The following DROSHA variants were observed in gnomAD, a reference collection of about 807,000 sequenced individuals.
The protein encoded by DROSHA is ribonuclease 3.
Under a neutral mutation model 181.9 loss-of-function variants are expected in DROSHA, and 56 were observed. The ratio of observed to expected loss-of-function variants is 0.31; its 90% CI spans 0.25 to 0.38. The LOEUF is 0.38. DROSHA is among the 10% of genes least tolerant of loss of function. The pLI, the probability that DROSHA is intolerant of heterozygous loss-of-function variation, is 1.00. For synonymous variants in DROSHA, 524 were observed against 591.2 expected (o/e 0.89, Z 1.65); for missense variants, 1,218 against 1,743.5 (o/e 0.70, Z 5.37).
chr5:31,449,847 C>A (rs1316213171), intron 21 of DROSHA, among the ~76,000 whole-genome samples: 1 of 152,136 alleles, frequency 6.6e-6, no homozygotes, highest in Admixed American at 6.5e-5. Context: ...TCCATCTTAT[C>A]TCCCCAAGTA....
chr5:31,510,627 A>T (rs528583689), intron 9 of DROSHA, among the ~76,000 whole-genome samples: 2 of 152,370 alleles, frequency 1.3e-5, no homozygotes, highest in South Asian at 4.1e-4. Context: ...AAGTGGAGAG[A>T]AACCTTCAAA....
At chr5:31,469,773 A>G (rs1749526717) in intron 17 of DROSHA, among the ~76,000 whole-genome samples, 1 of 152,190 alleles carries the variant, frequency 6.6e-6, no homozygotes, top group South Asian at 2.1e-4. Flanking sequence ...CTTTGGCTAC[A>G]CCCTATAACA....
intron 28 of DROSHA, among the ~76,000 whole-genome samples, chr5:31,423,537 A>G (rs1031248210): frequency 6.6e-6 from 1 of 152,238 alleles, no homozygotes; most frequent in African/African-American, 2.4e-5. Context: ...ATTGGAGATT[A>G]TTATACCACT....
chr5:31,439,593 C>T (rs925482027), intron 23 of DROSHA, among the ~76,000 whole-genome samples: 1 of 152,102 alleles, frequency 6.6e-6, no homozygotes, highest in African/African-American at 2.4e-5. Context: ...ATTATTGTTG[C>T]TGTTAATCTC....
chr5:31,401,815 C>T (rs1740033910), intron 35 of DROSHA, among the ~76,000 whole-genome samples: 3 of 152,026 alleles, frequency 2.0e-5, no homozygotes, highest in Admixed American at 1.3e-4. Flanking sequence ...GTATAGCAGG[C>T]ACCGAACATA....
chr5:31,515,269 T>C (rs772793830), intron 7 of DROSHA, 50 bp from the exon 8 acceptor site: 2 of 1,541,658 alleles, frequency 1.3e-6, no homozygotes, highest in African/African-American at 1.4e-5. Flanking sequence ...TCTTCCACTG[T>C]AAAAACTATT....
At position 31,401,506 on chromosome 5, in the gene DROSHA, C is replaced by G; in HGVS notation, c.4051G>C (p.Glu1351Gln). ...KRFIERKYRQ[E>Q]LKEMRWEREH... ...CTTTCCCACCTCATTTCTTTTAACTCTTGTCTGTACTTCCGTTCGATGAAC... is the reference window on the plus strand; with the variant it reads ...CTTTCCCACCTCATTTCTTTTAACTGTTGTCTGTACTTCCGTTCGATGAAC... Residue 1351 changes from glutamate to glutamine, a missense_variant, in exon 36 of 36, where the codon GAG becomes CAG. Around this residue, in one of 8 missense-constraint regions of DROSHA, gnomAD observed 32 missense variants for 29.2 expected, o/e 1.09. Transcript: ENST00000344624. 1 of 1,612,170 alleles carries G rather than the reference C, an allele frequency of 6.2e-7. No homozygotes were observed. The highest frequency in any genetic ancestry group is 1.3e-5 in the African/African-American group (1 of 74,964).
chr5:31,425,293 T>C (rs983971891), intron 27 of DROSHA, among the ~76,000 whole-genome samples: 3 of 152,192 alleles, frequency 2.0e-5, no homozygotes, highest in African/African-American at 4.8e-5. Context: ...ATACCTAATA[T>C]TTCTTGCACA....
rs60001713 is a variant in DROSHA at position 31,446,446 on chromosome 5, C to CAAAAAAAAAAAAA, written c.2882+2088_2882+2100dup. The stretch of plus-strand genomic sequence containing the variant: ...TGGGCGACAGAGCGAGACTCTGTCT[C>CAAAAAAAAAAAAA]AAAAAAAAAAAAAAAAAAAAGATTC... On this transcript the variant is annotated intron_variant, in intron 23 of 35. Transcript: ENST00000344624. 2.0e-3 allele frequency among the ~76,000 whole-genome samples: 121 copies of CAAAAAAAAAAAAA among 59,334 alleles called. 4 individuals carry two copies. The highest frequency in any genetic ancestry group is 5.8e-3 in the African/African-American group (106 of 18,258). The allele number at this position is 59,334 out of a possible 152,430, so 38.9% of individuals were successfully genotyped here.
At chr5:31,437,175 A>G (rs1046082177) in intron 24 of DROSHA, 64 bp downstream of exon 24, 6 of 1,482,888 alleles carry the variant, frequency 4.0e-6, no homozygotes, top group South Asian at 2.5e-5. Context: ...AAGCAATGTA[A>G]TAAGTATGTT....
intron 3 of DROSHA, among the ~76,000 whole-genome samples, chr5:31,529,545 C>A (rs892598519): frequency 2.0e-5 from 3 of 151,996 alleles, no homozygotes; most frequent in Admixed American, 6.6e-5. Flanking sequence ...ACCATCCTGG[C>A]TAACACAGTG....
At chr5:31,519,432 T>C (rs1739627614) in intron 6 of DROSHA, among the ~76,000 whole-genome samples, 1 of 152,186 alleles carries the variant, frequency 6.6e-6, no homozygotes, top group African/African-American at 2.4e-5. Context: ...CAAACGCACT[T>C]ACAGCACTTA....
intron 31 of DROSHA, 124 bp downstream of exon 31, chr5:31,410,622 A>G (rs1453848596): frequency 7.2e-7 from 1 of 1,392,272 alleles, no homozygotes; most frequent in Admixed American, 2.5e-5. Flanking sequence ...AAAGCATAAA[A>G]AATTAAAATA....
chr5:31,443,531 AT>A (rs1745902385), intron 23 of DROSHA, among the ~76,000 whole-genome samples: 1 of 152,170 alleles, frequency 6.6e-6, no homozygotes, highest in Non-Finnish European at 1.5e-5. Context: ...CACAATTTGC[AT>A]GAATGAATTA....
chr5:31,460,753 C>G (rs1748310373), intron 20 of DROSHA, among the ~76,000 whole-genome samples: 1 of 152,078 alleles, frequency 6.6e-6, no homozygotes, highest in African/African-American at 2.4e-5. Flanking sequence ...TTTTATTCTT[C>G]ATTACCAAAA....
At chr5:31,426,314 C>G (rs1300382333) in intron 27 of DROSHA, among the ~76,000 whole-genome samples, 2 of 152,102 alleles carry the variant, frequency 1.3e-5, no homozygotes, top group Admixed American at 1.3e-4. Context: ...TAGGCAAGGT[C>G]TCTACCTTTA....
chr5:31,466,120 A>C, intron 19 of DROSHA, 62 bp downstream of exon 19: 1 of 1,536,804 alleles, frequency 6.5e-7, no homozygotes, highest in Non-Finnish European at 9.0e-7. Context: ...TGATACAACA[A>C]TCACGAAATA....
At chr5:31,456,747 TTTG>T (rs1213931653) in intron 20 of DROSHA, among the ~76,000 whole-genome samples, 3 of 152,038 alleles carry the variant, frequency 2.0e-5, no homozygotes, top group Non-Finnish European at 4.4e-5. Flanking sequence ...GACACATGGT[TTTG>T]TTGTTGTTGT....
chr5:31,500,671 T>C (rs1311373629), intron 11 of DROSHA, among the ~76,000 whole-genome samples: 1 of 152,150 alleles, frequency 6.6e-6, no homozygotes, highest in Non-Finnish European at 1.5e-5. Context: ...AGATCAGTGG[T>C]AGCCTCCTCT....
Sources: gnomAD v4.1 joint callset for allele counts (sites outside exome capture counted in the v4.1 genomes callset) on GRCh38, gnomAD v4.1.1 for gene constraint, gnomAD v4.1.1 regional missense constraint, MANE v1.5 for transcripts, NCBI Gene and HGNC (gene_info 2026-07-23, HGNC 2026-07-21) for gene names.